Variants in GOLGA8B observed in about 807,000 individuals in gnomAD.
GOLGA8B encodes golgin subfamily A member 8B.
GOLGA8B carries 1 observed loss-of-function variant against 15.6 expected under a neutral mutation model. That is an observed-to-expected ratio of 0.06 (90% confidence interval 0.02 to 0.30). GOLGA8B has a LOEUF of 0.30. Among genes scored for constraint, GOLGA8B ranks in the 10% least tolerant of loss-of-function variants. The pLI is 1.00. For missense variants in GOLGA8B, 17 were observed against 201.3 expected (o/e 0.08, Z 5.54); for synonymous variants, 9 against 80.3 (o/e 0.11, Z 4.75).
At chr15:34,564,612 A>C (rs1264480236) in intron 1 of GOLGA8B, among the ~76,000 whole-genome samples, 3 of 146,216 alleles carry the variant, frequency 2.1e-5, no homozygotes, top group Admixed American at 2.0e-4. Context: ...TTCGGAACAA[A>C]GATCTGTGTC....
chr15:34,580,321 C>T (rs567349088), intron 1 of GOLGA8B, among the ~76,000 whole-genome samples: 4 of 152,240 alleles, frequency 2.6e-5, no homozygotes, highest in Admixed American at 2.6e-4. Context: ...AAAAATCAGG[C>T]CGAGACACAT....
At chr15:34,564,163 C>T (rs897265772) in intron 1 of GOLGA8B, among the ~76,000 whole-genome samples, 6 of 145,094 alleles carry the variant, frequency 4.1e-5, no homozygotes, top group African/African-American at 1.0e-4. Flanking sequence ...TGTTACTAAA[C>T]GTCCTACAAC....
At chr15:34,573,948 T>C (rs2140353485) in intron 1 of GOLGA8B, among the ~76,000 whole-genome samples, 1 of 151,542 alleles carries the variant, frequency 6.6e-6, no homozygotes, top group Non-Finnish European at 1.5e-5. Flanking sequence ...ATTTGCCAAA[T>C]CACCAGCAAA....
chr15:34,580,119 G>A (rs966834775), intron 1 of GOLGA8B, among the ~76,000 whole-genome samples: 2 of 152,172 alleles, frequency 1.3e-5, no homozygotes, highest in African/African-American at 4.8e-5. Context: ...GAGTGGCCTG[G>A]CAAATCCGAG....
intron 1 of GOLGA8B, among the ~76,000 whole-genome samples, chr15:34,561,008 G>A (rs527788596): frequency 0.017 from 2,436 of 145,796 alleles, 218 homozygotes; most frequent in Admixed American, 0.084. Context: ...TGTAAGCGGC[G>A]GAGCTTCCAC....
At chr15:34,566,645 G>A (rs1888768661) in intron 1 of GOLGA8B, among the ~76,000 whole-genome samples, 1 of 145,906 alleles carries the variant, frequency 6.9e-6, no homozygotes, top group African/African-American at 2.5e-5. Context: ...TTATCCAGAC[G>A]GGGGCTGCCC....
chr15:34,575,920 AGTGCATGG>A (rs1217754044), intron 1 of GOLGA8B, among the ~76,000 whole-genome samples: 1 of 152,142 alleles, frequency 6.6e-6, no homozygotes, highest in Non-Finnish European at 1.5e-5. Context: ...ATACCTACTG[AGTGCATGG>A]GTGGATAGAT....
At chr15:34,559,224 G>T (rs1405540019) in intron 1 of GOLGA8B, among the ~76,000 whole-genome samples, 1 of 147,022 alleles carries the variant, frequency 6.8e-6, no homozygotes, top group Non-Finnish European at 1.5e-5. Flanking sequence ...ACAGAGACAG[G>T]AAGTAGAATG....
chr15:34,567,916 T>A (rs1416192645), intron 1 of GOLGA8B, among the ~76,000 whole-genome samples: 2 of 151,754 alleles, frequency 1.3e-5, no homozygotes, highest in African/African-American at 4.9e-5. Flanking sequence ...TACCCCTTTT[T>A]CATCACTTGC....
At chr15:34,559,313 A>C (rs1436351802) in intron 1 of GOLGA8B, among the ~76,000 whole-genome samples, 1 of 147,374 alleles carries the variant, frequency 6.8e-6, no homozygotes, top group Non-Finnish European at 1.5e-5. Context: ...GTGAAGATGG[A>C]AAAGTTCTGG....
At chr15:34,575,158 GAC>G (rs1889035757) in intron 1 of GOLGA8B, among the ~76,000 whole-genome samples, 1 of 151,604 alleles carries the variant, frequency 6.6e-6, no homozygotes, top group Admixed American at 6.6e-5. Context: ...GCAAGGCTGG[GAC>G]TTGGCATCAG....
At chr15:34,569,034 T>C (rs1888835877) in intron 1 of GOLGA8B, among the ~76,000 whole-genome samples, 1 of 149,492 alleles carries the variant, frequency 6.7e-6, no homozygotes, top group Admixed American at 6.6e-5. Context: ...CTGTCCACAG[T>C]GCTCTTCCTG....
chr15:34,559,985 CAGG>C lies in GOLGA8B; in HGVS notation c.-1122-6032_-1122-6030del, dbSNP rs1240482433. 3.4e-4 allele frequency among the ~76,000 whole-genome samples: 51 copies of C among 149,728 alleles called. 1 individual carries two copies. Among genetic ancestry groups the C allele is most frequent in the African/African-American group, 1.2e-3 (47 of 39,914 alleles). On this transcript the variant is annotated intron_variant, in intron 1 of 23. Coordinates refer to ENST00000683415, the MANE Select transcript of GOLGA8B (RefSeq NM_001023567.5). ...GCGTGGGCACATCCCTGGGAGGTTT[CAGG>C]AGGACATTCAAGACCAAAATGAGCC...
rs910393592 is a variant in GOLGA8B, at chr15:34,566,545, C to T, written c.-1122-12589G>A. On this transcript the variant is annotated intron_variant, in intron 1 of 23. Coordinates refer to ENST00000683415, the MANE Select transcript of GOLGA8B (RefSeq NM_001023567.5). ...GTGGAGTGGCTTCATCAGGGAGTGA[C>T]AGGGGCGTGATTTACTACTGGAGGA... The T allele has an allele frequency of 1.1e-4, 16 of 140,800 alleles. 1 individual carries two copies. The highest frequency in any genetic ancestry group is 2.4e-4 in the Non-Finnish European group (15 of 62,114). The allele number at this position is 140,800 out of a possible 1,614,324, so 8.7% of individuals were successfully genotyped here.
chr15:34,571,731 G>C (rs1346999564), intron 1 of GOLGA8B, among the ~76,000 whole-genome samples: 1 of 152,062 alleles, frequency 6.6e-6, no homozygotes, highest in East Asian at 1.9e-4. Flanking sequence ...GAATATGCAG[G>C]AGGGTGGTTA....
At position 34,553,947 on chromosome 15, in the gene GOLGA8B, C is replaced by T; in HGVS notation, c.-1113G>A. The stretch of plus-strand genomic sequence containing the variant: ...GCAGGTATTCTTTTTCTTTCTTCAT[C>T]TCAGTAGAGCTGTTAAATTAAATAG... On this transcript the variant is annotated 5_prime_UTR_variant, in exon 2 of 24. Transcript: ENST00000683415. 2.0e-5 allele frequency: 1 copy of T among 49,024 alleles called. No individual in the cohort carries two copies. Among genetic ancestry groups the T allele is most frequent in the East Asian group, 4.5e-4 (1 of 2,220 alleles). The allele number at this position is 49,024 out of a possible 1,614,324, so 3.0% of individuals were successfully genotyped here.
chr15:34,563,819 T>G (rs1346923998), intron 1 of GOLGA8B, among the ~76,000 whole-genome samples: 2 of 144,652 alleles, frequency 1.4e-5, no homozygotes, highest in Non-Finnish European at 3.2e-5. Context: ...TTCCTAATTT[T>G]GAATCATCCT....
chr15:34,580,566 G>C (rs1403459063), intron 1 of GOLGA8B, among the ~76,000 whole-genome samples: 1 of 152,128 alleles, frequency 6.6e-6, no homozygotes, highest in Non-Finnish European at 1.5e-5. Flanking sequence ...AGGGAGAGAG[G>C]GGAGGATTGG....
chr15:34,572,262 G>A (rs1888937082), intron 1 of GOLGA8B, among the ~76,000 whole-genome samples: 3 of 152,190 alleles, frequency 2.0e-5, no homozygotes, highest in Non-Finnish European at 4.4e-5. Flanking sequence ...GGCAATATCT[G>A]TTGACACTCT....
Sources: allele counts gnomAD v4.1 joint callset (sites outside exome capture counted in the v4.1 genomes callset), GRCh38; gene constraint gnomAD v4.1.1; transcripts MANE v1.5; gene names NCBI Gene and HGNC (gene_info 2026-07-23, HGNC 2026-07-21).